REV1: variants seen among roughly 807,000 people sequenced by gnomAD.
REV1 encodes REV1 DNA directed polymerase, also known as translesion synthesis protein REV1.
In REV1, 42 loss-of-function variants were observed where a neutral mutation model predicts 137.4. That is an observed-to-expected ratio of 0.31 (90% CI 0.24 to 0.40). The LOEUF is 0.40. Ranked by LOEUF, REV1 falls within the 10% of genes least tolerant of loss-of-function variation. REV1 has a pLI of 1.00. For synonymous variants in REV1, 524 were observed against 519.2 expected, an observed-to-expected ratio of 1.01 and a Z score of -0.12; for missense variants, 1,282 against 1,490.1, an observed-to-expected ratio of 0.86 and a Z score of 2.30.
At chr2:99,407,882 T>C (rs1676562893) in intron 15 of REV1, 147 bp downstream of exon 15, 1 of 421,684 alleles carries the variant, frequency 2.4e-6, no homozygotes, top group Non-Finnish European at 4.2e-6. Flanking sequence ...TCAAGAATTT[T>C]TGTTTCTCTT....
intron 8 of REV1, among the ~76,000 whole-genome samples, chr2:99,431,100 G>T (rs1673553290): frequency 1.3e-5 from 2 of 152,120 alleles, no homozygotes; most frequent in Non-Finnish European, 2.9e-5. Flanking sequence ...CAAAGTCTCT[G>T]GCTTCATGGG....
intron 11 of REV1, 142 bp downstream of exon 11, chr2:99,421,357 G>A (rs1021371873): frequency 3.4e-6 from 2 of 592,070 alleles, no homozygotes; most frequent in Non-Finnish European, 5.8e-6. Flanking sequence ...CACTTATCTC[G>A]TGTGTCACAC....
rs527752389 is a variant in REV1, at chr2:99,486,885, A to C, written c.-11+2932T>G. On this transcript the variant is annotated intron_variant, in intron 1 of 22. Coordinates refer to ENST00000258428, the MANE Select transcript of REV1 (RefSeq NM_016316.4). ...GCTTGTTGAGAACAGGGCTGGCAGC[A>C]AACAAGTCTAAGGGGGGAAATAAAT... 4.0e-4 allele frequency among the ~76,000 whole-genome samples: 61 copies of C among 150,766 alleles called. No individual in the cohort carries two copies. The South Asian group carries it at 0.012, about 29-fold the overall frequency.
At chr2:99,458,206 A>G (rs1683747700) in intron 3 of REV1, among the ~76,000 whole-genome samples, 1 of 152,232 alleles carries the variant, frequency 6.6e-6, no homozygotes. Flanking sequence ...ACAAAGCAGT[A>G]GTCTCTAGAA....
chr2:99,419,750 A>C (rs1265783127), intron 11 of REV1, among the ~76,000 whole-genome samples: 4 of 152,246 alleles, frequency 2.6e-5, no homozygotes, highest in Admixed American at 6.5e-5. Flanking sequence ...CCACAGAAGC[A>C]GTGGAGGAAA....
intron 14 of REV1, among the ~76,000 whole-genome samples, chr2:99,408,639 T>A (rs1321254090): frequency 2.0e-5 from 3 of 152,192 alleles, no homozygotes; most frequent in Non-Finnish European, 4.4e-5. Flanking sequence ...AATTCTTAGA[T>A]CTTTAAGAAC....
At chr2:99,446,932 C>A (rs1228417376) in intron 4 of REV1, among the ~76,000 whole-genome samples, 1 of 152,114 alleles carries the variant, frequency 6.6e-6, no homozygotes, top group South Asian at 2.1e-4. Context: ...GCTCTAGTGA[C>A]AACACAGCTC....
chr2:99,455,388 C>T (rs890188275), intron 3 of REV1, among the ~76,000 whole-genome samples: 1 of 152,218 alleles, frequency 6.6e-6, no homozygotes, highest in Non-Finnish European at 1.5e-5. Context: ...TCTCTTGACT[C>T]TTCTCACCCC....
In REV1 at chr2:99,442,423, T is replaced by A. The variant is rs1336370306; in HGVS notation, c.397A>T (p.Thr133Ser). The stretch of plus-strand genomic sequence containing the variant: ...CCTTTCTGCACACTGGACTGCTTGG[T>A]GTACAGCTGATATGGAATGTAGGAG... ...LLSYIPYQLY[T>S]KQSSVQKGLS... is the part of the protein sequence containing the mutation. Residue 133 changes from threonine (T) to serine (S), a missense_variant, in exon 5 of 23, where the codon ACC becomes TCC. Physicochemically the swap from Thr to Ser is moderately conservative, Grantham distance 58. Around this residue, in one of 7 missense-constraint regions of REV1, gnomAD observed 107 missense variants for 164.3 expected, o/e 0.65. Transcript: ENST00000258428. 4 of 1,614,084 alleles carry A rather than the reference T, an allele frequency of 2.5e-6. No homozygotes were observed. The highest frequency in any genetic ancestry group is 1.6e-4 in the Middle Eastern group (1 of 6,062).
intron 6 of REV1, 60 bp from the exon 7 acceptor site, chr2:99,436,001 G>T: frequency 1.1e-6 from 1 of 942,610 alleles, no homozygotes; most frequent in Non-Finnish European, 1.7e-6. Context: ...AAAACATCAG[G>T]TCTAGTTAAT....
rs776434396 is a variant in REV1, at chr2:99,488,017, T to A, written c.-11+1800A>T. 4.6e-4 allele frequency among the ~76,000 whole-genome samples: 55 copies of A among 118,648 alleles called. 19 individuals are homozygous for A. The highest frequency in any genetic ancestry group is 1.6e-3 in the Admixed American group (15 of 9,362). The allele number at this position is 118,648 out of a possible 152,430, so 77.8% of individuals were successfully genotyped here. A position where few individuals can be genotyped will look rare whatever the true frequency, so the allele number is the denominator to read the frequency against. ...TCTTCATTCTACAAACGAGAAAAAA[T>A]CAGAGATACTAGTAACTTAACTTGT... On this transcript the variant is annotated intron_variant, in intron 1 of 22. Coordinates refer to ENST00000258428, the MANE Select transcript of REV1 (RefSeq NM_016316.4).
chr2:99,441,777 G>A (rs1681512018), intron 5 of REV1, among the ~76,000 whole-genome samples: 2 of 152,162 alleles, frequency 1.3e-5, no homozygotes. Flanking sequence ...AGTTTAAGGT[G>A]AGAAACCAGT....
At chr2:99,412,650 T>C in intron 13 of REV1, 81 bp downstream of exon 13, 1 of 1,052,232 alleles carries the variant, frequency 9.5e-7, no homozygotes, top group Non-Finnish European at 1.5e-6. Flanking sequence ...GCATTGAGGG[T>C]CTAATGGTTT....
chr2:99,476,724 A>G (rs1296197664), intron 1 of REV1, among the ~76,000 whole-genome samples: 2 of 152,226 alleles, frequency 1.3e-5, no homozygotes, highest in African/African-American at 2.4e-5. Context: ...CCATGCCAAC[A>G]GTCAATCATA....
intron 1 of REV1, among the ~76,000 whole-genome samples, chr2:99,482,661 ACT>A (rs773550136): frequency 8.5e-5 from 13 of 152,166 alleles, no homozygotes; most frequent in Non-Finnish European, 1.6e-4. Context: ...AGGTAAAAGC[ACT>A]CTTTAAGATA....
intron 3 of REV1, chr2:99,451,632 A>G (rs1682933533): frequency 2.1e-6 from 1 of 482,928 alleles, no homozygotes; most frequent in Non-Finnish European, 3.7e-6. Context: ...CTCTTTCTCC[A>G]TAAACAAAGC....
In REV1 at chr2:99,401,286, C is replaced by T. The variant is rs760496438; in HGVS notation, c.3711G>A (p.Gln1237=). 5 of 1,613,694 alleles carry T rather than the reference C, an allele frequency of 3.1e-6. No homozygotes were observed. In the South Asian group the frequency reaches 4.4e-5, roughly 14 times the overall value. The part of the protein sequence containing the change: ...MAFDFILDNV[Q]VVLQQTYGST... The stretch of plus-strand genomic sequence containing the variant: ...TTCCATAAGTTTGTTGTAAAACCAC[C>T]TGGACATTGTCAAGAATAAAGTCAA... Residue 1237 remains glutamine, a synonymous_variant, in exon 23 of 23, where the codon CAG becomes CAA. Transcript: ENST00000258428.
chr2:99,414,644 TGC>T (rs1677611322), intron 12 of REV1, among the ~76,000 whole-genome samples: 1 of 146,152 alleles, frequency 6.8e-6, no homozygotes, highest in African/African-American at 2.6e-5. Context: ...TTCTTCAATT[TGC>T]TCTTTTTGTT....
At chr2:99,406,161 A>G in intron 16 of REV1, 55 bp from the exon 17 acceptor site, 2 of 1,473,144 alleles carry the variant, frequency 1.4e-6, no homozygotes, top group Non-Finnish European at 1.8e-6. Context: ...CAGGGCCTTT[A>G]ATCCTCTGTC....
Sources: allele counts gnomAD v4.1 joint callset (sites outside exome capture counted in the v4.1 genomes callset), GRCh38; gene constraint gnomAD v4.1.1; regional missense constraint gnomAD v4.1.1; transcripts MANE v1.5; gene names NCBI Gene and HGNC (gene_info 2026-07-23, HGNC 2026-07-21).